SPON1: variants seen among roughly 807,000 people sequenced by gnomAD.
SPON1 encodes spondin 1.
Under a neutral mutation model 111.7 loss-of-function variants are expected in SPON1, and 52 were observed. The ratio of observed to expected loss-of-function variants is 0.47; its 90% CI spans 0.37 to 0.59. SPON1 has a LOEUF of 0.59. Ranked by LOEUF, SPON1 falls within the 20% of genes least tolerant of loss-of-function variation. The probability of loss-of-function intolerance (pLI) is 0.00; values close to 1 mark genes in which losing one functional copy is unlikely to be tolerated. For missense variants in SPON1, 957 were observed against 1,068.5 expected, an observed-to-expected ratio of 0.90 and a Z score of 1.46; for synonymous variants, 410 against 395.8, an observed-to-expected ratio of 1.04 and a Z score of -0.43.
At chr11:14,247,531 G>A (rs1849006076) in intron 7 of SPON1, among the ~76,000 whole-genome samples, 1 of 152,232 alleles carries the variant, frequency 6.6e-6, no homozygotes, top group African/African-American at 2.4e-5. Flanking sequence ...AGTGAGGGGG[G>A]CTACTTCAGA....
At chr11:14,174,787 G>A (rs1848155387) in intron 6 of SPON1, among the ~76,000 whole-genome samples, 1 of 152,134 alleles carries the variant, frequency 6.6e-6, no homozygotes. Context: ...TCTGTAGCTT[G>A]TTTATCCACT....
chr11:14,249,051 T>C (rs1470137488), intron 7 of SPON1, among the ~76,000 whole-genome samples: 2 of 152,236 alleles, frequency 1.3e-5, no homozygotes, highest in African/African-American at 2.4e-5. Flanking sequence ...TCCAATTGCA[T>C]CTGAATGCTA....
At chr11:14,003,969 T>C (rs1390404691) in intron 2 of SPON1, among the ~76,000 whole-genome samples, 2 of 152,240 alleles carry the variant, frequency 1.3e-5, no homozygotes, top group Non-Finnish European at 2.9e-5. Flanking sequence ...CTCCCTTATC[T>C]ATCTCTGCAT....
intron 2 of SPON1, among the ~76,000 whole-genome samples, chr11:14,038,832 A>G (rs1429962662): frequency 6.6e-6 from 1 of 152,232 alleles, no homozygotes; most frequent in African/African-American, 2.4e-5. Context: ...TGATCCAGCA[A>G]TTGTGCTCTT....
rs185035703 is a variant in SPON1 at position 14,140,154 on chromosome 11, G to T, written c.825+4586G>T. ...TGGACACACATTTGGGCAGGGCCTTGTTGGGTTTCCTCTCTGCTGGAGTCT... is the reference window on the plus strand; with the variant it reads ...TGGACACACATTTGGGCAGGGCCTTTTTGGGTTTCCTCTCTGCTGGAGTCT... On this transcript the variant is annotated intron_variant, in intron 6 of 15. Transcript: ENST00000576479. Among the ~76,000 whole-genome samples, 30 of 152,306 alleles carry T rather than the reference G, an allele frequency of 2.0e-4. No individual in the cohort carries two copies. The East Asian group carries it at 5.6e-3, about 28-fold the overall frequency.
At chr11:14,002,582 G>T (rs1166940643) in intron 2 of SPON1, among the ~76,000 whole-genome samples, 1 of 152,152 alleles carries the variant, frequency 6.6e-6, no homozygotes, top group Non-Finnish European at 1.5e-5. Flanking sequence ...TGGATGGAAG[G>T]ATCGTGTAGC....
At chr11:14,003,497 TG>T (rs1224175329) in intron 2 of SPON1, among the ~76,000 whole-genome samples, 1 of 152,146 alleles carries the variant, frequency 6.6e-6, no homozygotes, top group Non-Finnish European at 1.5e-5. Flanking sequence ...TAGATACCTT[TG>T]TCAGTGTCTG....
intron 6 of SPON1, among the ~76,000 whole-genome samples, chr11:14,219,060 G>A (rs1479502219): frequency 2.6e-5 from 4 of 152,154 alleles, no homozygotes; most frequent in African/African-American, 9.7e-5. Context: ...TGCCTTCCAT[G>A]TCTTTTCATG....
intron 1 of SPON1, among the ~76,000 whole-genome samples, chr11:13,980,814 G>A (rs1158062353): frequency 6.6e-6 from 1 of 152,186 alleles, no homozygotes; most frequent in Non-Finnish European, 1.5e-5. Flanking sequence ...GGTTTGTGAA[G>A]CCTTGGATAT....
chr11:14,044,327 C>T (rs1208830795), intron 3 of SPON1, among the ~76,000 whole-genome samples: 2 of 152,134 alleles, frequency 1.3e-5, no homozygotes, highest in Non-Finnish European at 2.9e-5. Flanking sequence ...TCCATGACAT[C>T]TTGGCTGGAC....
intron 6 of SPON1, among the ~76,000 whole-genome samples, chr11:14,235,139 G>A (rs1848848948): frequency 1.3e-5 from 2 of 152,176 alleles, no homozygotes; most frequent in South Asian, 2.1e-4. Context: ...GCCTCCAGCT[G>A]ACACCCAGGT....
chr11:14,107,327 G>A (rs1849192288), intron 5 of SPON1, among the ~76,000 whole-genome samples: 1 of 152,126 alleles, frequency 6.6e-6, no homozygotes, highest in Non-Finnish European at 1.5e-5. Context: ...CACACACATT[G>A]ATATTCAAGG....
chr11:14,244,411 G>T (rs550272335), intron 7 of SPON1, among the ~76,000 whole-genome samples: 8 of 151,888 alleles, frequency 5.3e-5, no homozygotes, highest in Non-Finnish European at 7.4e-5. Context: ...CCAGCTATTT[G>T]GGAGGCTGAG....
chr11:14,115,781 T>C (rs1849262287), intron 5 of SPON1, among the ~76,000 whole-genome samples: 1 of 152,150 alleles, frequency 6.6e-6, no homozygotes, highest in African/African-American at 2.4e-5. Context: ...GCCTTTCTGT[T>C]GGTTAGATAC....
chr11:14,012,697 C>T (rs782303185), intron 2 of SPON1, among the ~76,000 whole-genome samples: 2 of 152,124 alleles, frequency 1.3e-5, no homozygotes, highest in African/African-American at 4.8e-5. Flanking sequence ...GAAGCCAAGC[C>T]CTTCTGAGGC....
At chr11:14,017,649 T>G (rs1848452851) in intron 2 of SPON1, among the ~76,000 whole-genome samples, 1 of 152,334 alleles carries the variant, frequency 6.6e-6, no homozygotes, top group Non-Finnish European at 1.5e-5. Flanking sequence ...CCACCTTGCC[T>G]AAAGTAGCAG....
At chr11:14,170,190 C>G (rs1316724984) in intron 6 of SPON1, among the ~76,000 whole-genome samples, 1 of 152,124 alleles carries the variant, frequency 6.6e-6, no homozygotes, top group Admixed American at 6.5e-5. Flanking sequence ...GTTTGTAGTT[C>G]TCCTTGAAGA....
rs7107947 is a variant in SPON1, at chr11:14,006,437, G to A, written c.345+23484G>A. On this transcript the variant is annotated intron_variant, in intron 2 of 15. Coordinates refer to ENST00000576479, the MANE Select transcript of SPON1 (RefSeq NM_006108.4). ...ATAAGAACAGAGGCAGGAAGGCTGG[G>A]TAGGAGATTGTGGCATGAACTCCAG... is the stretch of plus-strand genomic sequence containing the variant. Among the ~76,000 whole-genome samples, 803 of 152,286 alleles carry A rather than the reference G, an allele frequency of 5.3e-3. 9 individuals are homozygous for A. Among genetic ancestry groups the A allele is most frequent in the African/African-American group, 0.018 (742 of 41,554 alleles).
intron 7 of SPON1, among the ~76,000 whole-genome samples, chr11:14,247,592 A>G (rs1849006843): frequency 6.6e-6 from 1 of 152,140 alleles, no homozygotes; most frequent in Non-Finnish European, 1.5e-5. Context: ...TGGTGGTGGA[A>G]AAGGAGAGAG....
Sources: gnomAD v4.1 joint callset for allele counts (sites outside exome capture counted in the v4.1 genomes callset) on GRCh38, gnomAD v4.1.1 for gene constraint, MANE v1.5 for transcripts, NCBI Gene and HGNC (gene_info 2026-07-23, HGNC 2026-07-21) for gene names.